MED13L: variants seen among roughly 807,000 people sequenced by gnomAD.
The protein encoded by MED13L is mediator complex subunit 13L.
In MED13L, 7 loss-of-function variants were observed where a neutral mutation model predicts 220.9. That is an observed-to-expected ratio of 0.03 (90% CI 0.02 to 0.06). The LOEUF (loss-of-function observed/expected upper bound fraction) is 0.06. Among genes scored for constraint, MED13L ranks in the 10% least tolerant of loss-of-function variants. MED13L has a pLI of 1.00. For missense variants in MED13L, 1,965 were observed against 2,760.5 expected (o/e 0.71, Z 6.46); for synonymous variants, 1,011 against 1,015.2 (o/e 1.00, Z 0.08).
In MED13L at chr12:115,966,237, C is replaced by T; in HGVS notation, c.6232G>A (p.Gly2078Ser). Residue 2078 changes from glycine to serine, a missense_variant, in exon 29 of 31, where the codon GGT becomes AGT. By Grantham distance (56) the Gly-to-Ser change is moderately conservative (BLOSUM62 0). Transcript: ENST00000281928. ...GSHFQHSRSQ[G>S]ERLLSREAPE... ...GCTTCTCTAGAAAGAAGACGCTCAC[C>T]CTGGCTCTGAAAAACAAAAATCCCA... 1.2e-6 allele frequency: 2 copies of T among 1,614,062 alleles called. No homozygotes were observed. The highest frequency in any genetic ancestry group is 1.7e-6 in the Non-Finnish European group (2 of 1,179,998).
chr12:116,009,611 C>T (rs565386718), intron 9 of MED13L, among the ~76,000 whole-genome samples: 1 of 152,300 alleles, frequency 6.6e-6, no homozygotes, highest in East Asian at 1.9e-4. Flanking sequence ...TACTCTGCCT[C>T]AAAGTGTGGA....
rs1593001319 is a variant in MED13L at position 116,063,218 on chromosome 12, G to C, written c.479+33451C>G. 2.6e-5 allele frequency among the ~76,000 whole-genome samples: 4 copies of C among 152,296 alleles called. No individual in the cohort carries two copies. The South Asian group carries it at 8.3e-4, about 32-fold the overall frequency. ...AGAAGACCACTTTTTTGTACTGATAGTAGATAATACATATATAACTGGCTT... is the reference window on the plus strand; with the variant it reads ...AGAAGACCACTTTTTTGTACTGATACTAGATAATACATATATAACTGGCTT... On this transcript the variant is annotated intron_variant, in intron 4 of 30. Coordinates refer to ENST00000281928, the MANE Select transcript of MED13L (RefSeq NM_015335.5).
intron 11 of MED13L, 137 bp downstream of exon 11, chr12:116,007,274 C>G: frequency 1.3e-6 from 1 of 793,742 alleles, no homozygotes; most frequent in Non-Finnish European, 2.2e-6. Context: ...ACAATAGTAC[C>G]AAGAGCATGA....
In MED13L at chr12:115,997,564, G is replaced by A. The variant is rs147946489; in HGVS notation, c.2570-334C>T. Among the ~76,000 whole-genome samples, 6,518 of 152,234 alleles carry A rather than the reference G, an allele frequency of 0.043. 481 individuals carry two copies. The highest frequency in any genetic ancestry group is 0.15 in the African/African-American group (6,122 of 41,498). On this transcript the variant is annotated intron_variant, in intron 14 of 30. Coordinates refer to ENST00000281928, the MANE Select transcript of MED13L (RefSeq NM_015335.5). The stretch of plus-strand genomic sequence containing the variant: ...AGCCTCCCAAGTAGCTGGGACTATA[G>A]GCACGTGCCACCATGCCCAGCTAAT...
At chr12:116,058,953 A>G (rs1205287847) in intron 4 of MED13L, among the ~76,000 whole-genome samples, 2 of 152,260 alleles carry the variant, frequency 1.3e-5, no homozygotes, top group African/African-American at 4.8e-5. Flanking sequence ...TAATAAAGCA[A>G]TAAGATACTG....
chr12:116,019,824 C>A lies in MED13L; in HGVS notation c.774G>T (p.Glu258Asp), dbSNP rs781438011. 1 of 1,613,904 alleles carries A rather than the reference C, an allele frequency of 6.2e-7. No homozygotes were observed. Among genetic ancestry groups the A allele is most frequent in the Non-Finnish European group, 8.5e-7 (1 of 1,179,960 alleles). ...CAGGGAAATCATCATCATATCCCAA[C>A]TCGTCTTCCTCTTTCGATTCTTCTT... ...KKKEESKEED[E>D]LGYDDDFPVA... The change falls in exon 6 of 31, where the codon GAG becomes GAT. Residue 258 changes from glutamate (E) to aspartate (D), a missense_variant. Physicochemically the swap from Glu to Asp is conservative, Grantham distance 45. Coordinates refer to ENST00000281928, the MANE Select transcript of MED13L (RefSeq NM_015335.5).
intron 4 of MED13L, among the ~76,000 whole-genome samples, chr12:116,075,904 CAGA>C (rs992278083): frequency 1.5e-4 from 23 of 149,644 alleles, no homozygotes; most frequent in African/African-American, 4.2e-4. Context: ...CCATTGGAGC[CAGA>C]AGATTTTTTT....
chr12:116,038,196 A>G (rs1881302361), intron 4 of MED13L, among the ~76,000 whole-genome samples: 1 of 151,654 alleles, frequency 6.6e-6, no homozygotes, highest in Non-Finnish European at 1.5e-5. Context: ...TAAATATAAA[A>G]CCTTTCATCC....
intron 2 of MED13L, among the ~76,000 whole-genome samples, chr12:116,156,041 T>C (rs1422642945): frequency 1.3e-5 from 2 of 152,162 alleles, no homozygotes; most frequent in African/African-American, 2.4e-5. Flanking sequence ...CACGTTTCTA[T>C]AGACAATTCA....
In MED13L at chr12:116,004,917, G is replaced by C. The variant is rs141671394; in HGVS notation, c.2469+952C>G. On this transcript the variant is annotated intron_variant, in intron 13 of 30. Transcript: ENST00000281928. ...CCCATCACTTGGTCACGTCGTATCT[G>C]AATGTCCAGCAACTTTAGATTCAGG... Among the ~76,000 whole-genome samples the C allele has an allele frequency of 3.7e-3, 558 of 152,256 alleles. 1 individual carries two copies. The highest frequency in any genetic ancestry group is 0.014 in the Middle Eastern group (4 of 294).
chr12:116,187,375 T>A (rs750727052), intron 2 of MED13L, among the ~76,000 whole-genome samples: 15 of 152,150 alleles, frequency 9.9e-5, no homozygotes, highest in Non-Finnish European at 2.2e-4. Flanking sequence ...AGTTCATACA[T>A]AAAAAGTGCT....
chr12:116,185,804 C>G (rs1406067792), intron 2 of MED13L, among the ~76,000 whole-genome samples: 1 of 152,152 alleles, frequency 6.6e-6, no homozygotes, highest in Non-Finnish European at 1.5e-5. Flanking sequence ...AGCAATTCTC[C>G]TGCCTCAGCC....
At chr12:116,106,858 GA>G (rs537402839) in intron 3 of MED13L, among the ~76,000 whole-genome samples, 9,832 of 141,098 alleles carry the variant, frequency 0.07, 445 homozygotes, top group African/African-American at 0.13. Flanking sequence ...AAAAAAAAGG[GA>G]AAAAAAAAAA....
rs530395832 is a variant in MED13L, at chr12:116,039,902, T to C, written c.480-17301A>G. Among the ~76,000 whole-genome samples, 6 of 152,168 alleles carry C rather than the reference T, an allele frequency of 3.9e-5. No homozygotes were observed. The East Asian group carries it at 1.2e-3, about 29-fold the overall frequency. On this transcript the variant is annotated intron_variant, in intron 4 of 30. Coordinates refer to ENST00000281928, the MANE Select transcript of MED13L (RefSeq NM_015335.5). Reference sequence around the variant, plus strand: ...GCGAGATACCACCATTTTGGAGATATCCCTTACAGATGGTATTTAAAGGCA... The same window carrying C: ...GCGAGATACCACCATTTTGGAGATACCCCTTACAGATGGTATTTAAAGGCA...
intron 23 of MED13L, 30 bp from the exon 24 acceptor site, chr12:115,975,768 A>T (rs1304116646): frequency 6.3e-7 from 1 of 1,589,908 alleles, no homozygotes; most frequent in Admixed American, 1.7e-5. Flanking sequence ...CAATATCAGT[A>T]CAAAGCCATA....
At chr12:115,996,327 A>G (rs564501330) in intron 16 of MED13L, 149 bp downstream of exon 16, 21 of 834,500 alleles carry the variant, frequency 2.5e-5, no homozygotes, top group African/African-American at 2.0e-4. Context: ...CCTGACCTCA[A>G]GTGATCTGCC....
intron 4 of MED13L, among the ~76,000 whole-genome samples, chr12:116,024,446 T>C (rs1312369758): frequency 1.3e-5 from 2 of 152,138 alleles, no homozygotes; most frequent in Non-Finnish European, 2.9e-5. Context: ...TTGAGAAACG[T>C]CCATTCAGGT....
chr12:116,041,490 A>T (rs1054884178), intron 4 of MED13L, among the ~76,000 whole-genome samples: 1 of 152,238 alleles, frequency 6.6e-6, no homozygotes, highest in African/African-American at 2.4e-5. Flanking sequence ...TAACTGGACC[A>T]TGCCTGGAAT....
chr12:115,961,280 T>C lies in MED13L; in HGVS notation c.6619A>G (p.Met2207Val), dbSNP rs369059113. ...TGCTTTTCCAATTAAAGTATATTCA[T>C]GATGGCATTGTACAACTGAGTGAGC... ...VVLTQLYNAI[M>V]NIL Residue 2207 changes from methionine to valine, a missense_variant, in exon 31 of 31, where the codon ATG (methionine) becomes GTG (valine). Met to Val is a conservative substitution (Grantham distance 21). Around this residue, in one of 10 missense-constraint regions of MED13L, gnomAD observed 145 missense variants for 328.3 expected, o/e 0.44. Coordinates refer to ENST00000281928, the MANE Select transcript of MED13L (RefSeq NM_015335.5). 5 of 1,614,156 alleles carry C rather than the reference T, an allele frequency of 3.1e-6. No homozygotes were observed. The East Asian group carries it at 1.1e-4, about 36-fold the overall frequency.
Sources: gnomAD v4.1 joint callset for allele counts (sites outside exome capture counted in the v4.1 genomes callset) on GRCh38, gnomAD v4.1.1 for gene constraint, gnomAD v4.1.1 regional missense constraint, MANE v1.5 for transcripts, NCBI Gene and HGNC (gene_info 2026-07-23, HGNC 2026-07-21) for gene names.